SOS2: variants seen among roughly 807,000 people sequenced by gnomAD.
The protein encoded by SOS2 is son of sevenless homolog 2.
In SOS2, 65 loss-of-function variants were observed where a neutral mutation model predicts 148.2. The observed-to-expected ratio is 0.44, with a 90% CI of 0.36 to 0.54. The LOEUF (loss-of-function observed/expected upper bound fraction) is 0.54. Among genes scored for constraint, SOS2 ranks in the 20% least tolerant of loss-of-function variants. The pLI is 0.00. For synonymous variants in SOS2, 539 were observed against 537.1 expected (o/e 1.00, Z -0.05); for missense variants, 1,341 against 1,590.2 (o/e 0.84, Z 2.67).
intron 4 of SOS2, among the ~76,000 whole-genome samples, chr14:50,192,128 G>C (rs926812719): frequency 7.3e-6 from 1 of 136,366 alleles, no homozygotes; most frequent in Non-Finnish European, 1.5e-5. Flanking sequence ...CTCCGGCTTA[G>C]GTGAGTCCTT....
At chr14:50,227,014 C>T (rs1248038092) in intron 1 of SOS2, among the ~76,000 whole-genome samples, 1 of 152,104 alleles carries the variant, frequency 6.6e-6, no homozygotes, top group African/African-American at 2.4e-5. Context: ...GTTCTAGGCT[C>T]TTTTAGGGAA....
At chr14:50,216,653 G>A (rs1887048335) in intron 1 of SOS2, among the ~76,000 whole-genome samples, 1 of 151,816 alleles carries the variant, frequency 6.6e-6, no homozygotes, top group South Asian at 2.1e-4. Flanking sequence ...GAGAATCGCT[G>A]GAACCCGGGA....
Position 50,130,734 on chromosome 14 carries a change from G to T in SOS2, c.3104C>A (p.Ser1035Tyr), listed in dbSNP as rs1456097189. 1 of 1,603,058 alleles carries T rather than the reference G, an allele frequency of 6.2e-7. No homozygotes were observed. Among genetic ancestry groups the T allele is most frequent in the Non-Finnish European group, 8.5e-7 (1 of 1,175,940 alleles). Residue 1035 changes from serine (S) to tyrosine (Y), a missense_variant, in exon 20 of 23, where the codon TCT (serine) becomes TAT (tyrosine). Physicochemically the swap from Ser to Tyr is moderately radical, Grantham distance 144. Coordinates refer to ENST00000216373, the MANE Select transcript of SOS2 (RefSeq NM_006939.4). ...FPRKSTFSLK[S>Y]PGIRPNTGRH... Reference sequence around the variant, plus strand: ...GCCTGTGTTAGGCCTTATTCCAGGAGATTTTAAGGAAAAAGTTGATTTCCT... The same window carrying T: ...GCCTGTGTTAGGCCTTATTCCAGGATATTTTAAGGAAAAAGTTGATTTCCT...
rs1444771353 is a variant in SOS2 at position 50,205,064 on chromosome 14, TTTAAA to T, written c.88-660_88-656del. Among the ~76,000 whole-genome samples, 4 of 152,128 alleles carry T rather than the reference TTTAAA, an allele frequency of 2.6e-5. No homozygotes were observed. In the East Asian group the frequency reaches 7.7e-4, roughly 29 times the overall value. On this transcript the variant is annotated intron_variant, in intron 1 of 22. Coordinates refer to ENST00000216373, the MANE Select transcript of SOS2 (RefSeq NM_006939.4). ...TCCTATAAATATTTGTTGAAAGAAA[TTTAAA>T]AAAGTATTGCTTTCCTTTCTTTTCT...
chr14:50,176,289 T>C (rs1249656641), intron 7 of SOS2, among the ~76,000 whole-genome samples: 1 of 152,216 alleles, frequency 6.6e-6, no homozygotes, highest in Non-Finnish European at 1.5e-5. Flanking sequence ...GAAATAAATT[T>C]CTATTGTTTA....
Position 50,157,126 on chromosome 14 carries a change from G to C in SOS2, c.1935-5C>G. The C allele has an allele frequency of 6.2e-7, 1 of 1,607,730 alleles. No homozygotes were observed. The highest frequency in any genetic ancestry group is 8.5e-7 in the Non-Finnish European group (1 of 1,177,174). ...TCTGGCTCTGGAATTTCAAACCTAA[G>C]AAGAAAAGCAAAAGGAGAAAAATCC... On this transcript the variant is annotated splice_polypyrimidine_tract_variant and splice_region_variant and intron_variant, in intron 11 of 22. Coordinates refer to ENST00000216373, the MANE Select transcript of SOS2 (RefSeq NM_006939.4).
chr14:50,169,987 G>GTA (rs1351846084), intron 8 of SOS2, among the ~76,000 whole-genome samples: 3 of 151,772 alleles, frequency 2.0e-5, no homozygotes, highest in Admixed American at 1.3e-4. Context: ...GTGTACTGAC[G>GTA]TAAACATGGC....
At chr14:50,194,910 A>G (rs1886267646) in intron 4 of SOS2, among the ~76,000 whole-genome samples, 1 of 151,920 alleles carries the variant, frequency 6.6e-6, no homozygotes, top group Non-Finnish European at 1.5e-5. Context: ...GGCCTTTTCA[A>G]CATTTTTACT....
intron 10 of SOS2, among the ~76,000 whole-genome samples, chr14:50,158,983 A>C (rs1202110019): frequency 6.6e-6 from 1 of 151,968 alleles, no homozygotes; most frequent in Non-Finnish European, 1.5e-5. Flanking sequence ...AGGAGATCGA[A>C]ACCATCCTGG....
chr14:50,178,662 GTGTGTGTGCATATATATA>G (rs1330558962), intron 7 of SOS2, among the ~76,000 whole-genome samples: 1 of 16,712 alleles, frequency 6.0e-5, no homozygotes, highest in Non-Finnish European at 1.2e-4. Context: ...GTGTGTGTGT[GTGTGTGTGCATATATATA>G]TATATATATA....
At chr14:50,167,161 A>C (rs562824321) in intron 8 of SOS2, among the ~76,000 whole-genome samples, 2 of 152,342 alleles carry the variant, frequency 1.3e-5, no homozygotes, top group East Asian at 3.9e-4. Flanking sequence ...GTTAACTGTT[A>C]TTAACTTTCT....
At chr14:50,182,395 T>G in intron 6 of SOS2, 68 bp downstream of exon 6, 1 of 1,405,956 alleles carries the variant, frequency 7.1e-7, no homozygotes, top group Non-Finnish European at 1.0e-6. Flanking sequence ...TTGCCAAGAC[T>G]CATCTCTAAG....
At chr14:50,159,298 C>G in intron 10 of SOS2, 133 bp downstream of exon 10, 1 of 542,964 alleles carries the variant, frequency 1.8e-6, no homozygotes, top group Non-Finnish European at 3.3e-6. Flanking sequence ...TTATTTATTC[C>G]TTTTGTTTTT....
intron 1 of SOS2, among the ~76,000 whole-genome samples, chr14:50,210,477 T>C (rs1886832692): frequency 6.6e-6 from 1 of 152,140 alleles, no homozygotes; most frequent in Middle Eastern, 3.2e-3. Context: ...GATTTCAGGA[T>C]TGAAAAAGAT....
At chr14:50,187,198 G>A (rs1354052472) in intron 5 of SOS2, among the ~76,000 whole-genome samples, 4 of 152,152 alleles carry the variant, frequency 2.6e-5, no homozygotes, top group African/African-American at 9.6e-5. Context: ...TTTTTGTAGA[G>A]ACTGGGTCTT....
chr14:50,225,541 T>G (rs1269853305), intron 1 of SOS2, among the ~76,000 whole-genome samples: 1 of 152,240 alleles, frequency 6.6e-6, no homozygotes, highest in East Asian at 1.9e-4. Flanking sequence ...TAATCATTGC[T>G]GACAGGGAGC....
chr14:50,145,490 G>C lies in SOS2; in HGVS notation c.2491C>G (p.Leu831Val). The C allele has an allele frequency of 6.2e-7, 1 of 1,603,438 alleles. No homozygotes were observed. The highest frequency in any genetic ancestry group is 8.5e-7 in the Non-Finnish European group (1 of 1,173,302). The change falls in exon 15 of 23, where the codon CTC becomes GTC. Residue 831 changes from leucine (L) to valine (V), a missense_variant. Leu to Val is a conservative substitution (Grantham distance 32). Transcript: ENST00000216373. ...KMIRHTTNLT[L>V]WFEKCIVEAE... ...ATTAAAACTTACTTTTCAAACCAGAGGGTGAGATTTGTGGTATGGCGAATC... is the reference window on the plus strand; with the variant it reads ...ATTAAAACTTACTTTTCAAACCAGACGGTGAGATTTGTGGTATGGCGAATC...
chr14:50,229,952 C>T (rs1486392354), intron 1 of SOS2, among the ~76,000 whole-genome samples: 1 of 152,210 alleles, frequency 6.6e-6, no homozygotes, highest in African/African-American at 2.4e-5. Context: ...CAGAATTGGG[C>T]TGCACATGGA....
At chr14:50,171,828 G>A (rs1483557795) in intron 8 of SOS2, among the ~76,000 whole-genome samples, 2 of 151,924 alleles carry the variant, frequency 1.3e-5, no homozygotes, top group Non-Finnish European at 1.5e-5. Flanking sequence ...TTGTTCTAGT[G>A]TAAGTTTCTT....
Sources: allele counts gnomAD v4.1 joint callset (sites outside exome capture counted in the v4.1 genomes callset), GRCh38; gene constraint gnomAD v4.1.1; transcripts MANE v1.5; gene names NCBI Gene and HGNC (gene_info 2026-07-23, HGNC 2026-07-21).